Variants in TBC1D5 observed in about 807,000 individuals in gnomAD.
TBC1D5 encodes TBC1 domain family, member 5.
In TBC1D5, 75 loss-of-function variants were observed where a neutral mutation model predicts 100.3. The observed-to-expected ratio is 0.75, with a 90% CI of 0.62 to 0.91. The LOEUF (loss-of-function observed/expected upper bound fraction) is 0.91. TBC1D5 is among the 40% of genes least tolerant of loss of function. The probability of loss-of-function intolerance (pLI) is 0.00; values close to 1 mark genes in which losing one functional copy is unlikely to be tolerated. For synonymous variants in TBC1D5, 323 were observed against 325.6 expected (o/e 0.99, Z 0.09); for missense variants, 910 against 942.4 (o/e 0.97, Z 0.45).
intron 2 of TBC1D5, among the ~76,000 whole-genome samples, chr3:17,582,818 A>G (rs1459679677): frequency 2.0e-5 from 3 of 152,028 alleles, no homozygotes; most frequent in Non-Finnish European, 4.4e-5. Flanking sequence ...AAAACAAAAC[A>G]TTAAACAAAT....
chr3:17,451,500 C>T (rs141004721), intron 3 of TBC1D5, among the ~76,000 whole-genome samples: 1,679 of 152,130 alleles, frequency 0.011, 30 homozygotes, highest in African/African-American at 0.038. Context: ...AGTCAGGAAA[C>T]AACAGATGCT....
At chr3:17,485,648 C>A (rs545676870) in intron 3 of TBC1D5, among the ~76,000 whole-genome samples, 22 of 152,138 alleles carry the variant, frequency 1.4e-4, no homozygotes, top group African/African-American at 2.2e-4. Context: ...AATTTCATCC[C>A]TGTCCCTACA....
chr3:17,503,769 A>G (rs1385909441), intron 3 of TBC1D5, among the ~76,000 whole-genome samples: 1 of 149,762 alleles, frequency 6.7e-6, no homozygotes, highest in Non-Finnish European at 1.5e-5. Context: ...ATGCTCCCAA[A>G]TTATGGCCAC....
At chr3:17,655,456 TAATAATTA>T (rs1232700322) in intron 1 of TBC1D5, among the ~76,000 whole-genome samples, 6 of 109,150 alleles carry the variant, frequency 5.5e-5, no homozygotes, top group African/African-American at 1.7e-4. Flanking sequence ...TAAAGTATAA[TAATAATTA>T]AATTAAATTA....
At position 17,676,694 on chromosome 3, in the gene TBC1D5, G is replaced by A. The variant is rs182923694; in HGVS notation, c.-100-52781C>T. On this transcript the variant is annotated intron_variant, in intron 1 of 21. Coordinates refer to ENST00000253692, the Ensembl canonical transcript of TBC1D5. ...ACCAAAAAAGAGCCCGCATTGCCAA[G>A]ACAATCCTAAGCAAAAAGCACAAAG... 2.0e-3 allele frequency among the ~76,000 whole-genome samples: 302 copies of A among 152,208 alleles called. 5 individuals carry two copies. Among genetic ancestry groups the A allele is most frequent in the Non-Finnish European group, 9.6e-4 (65 of 68,018 alleles).
intron 3 of TBC1D5, among the ~76,000 whole-genome samples, chr3:17,507,067 A>G (rs1013468111): frequency 1.3e-5 from 2 of 152,208 alleles, no homozygotes; most frequent in African/African-American, 4.8e-5. Context: ...TCAAATAACC[A>G]TAGTAATCAG....
intron 2 of TBC1D5, among the ~76,000 whole-genome samples, chr3:17,615,873 G>A (rs915583213): frequency 2.0e-5 from 3 of 151,858 alleles, no homozygotes; most frequent in South Asian, 2.1e-4. Context: ...AGCATTTTTT[G>A]TGTCTCTATC....
At chr3:17,324,910 T>C (rs1370749904) in intron 13 of TBC1D5, among the ~76,000 whole-genome samples, 2 of 152,138 alleles carry the variant, frequency 1.3e-5, no homozygotes, top group African/African-American at 4.8e-5. Context: ...TGCAGATCCA[T>C]TAGAATGGCT....
chr3:17,365,437 A>G (rs2092048260), intron 13 of TBC1D5, among the ~76,000 whole-genome samples: 2 of 150,972 alleles, frequency 1.3e-5, no homozygotes, highest in African/African-American at 4.8e-5. Context: ...GTTTAAGATT[A>G]AAGTAGCAGA....
chr3:17,667,925 T>C (rs979901626), intron 1 of TBC1D5, among the ~76,000 whole-genome samples: 5 of 151,900 alleles, frequency 3.3e-5, no homozygotes, highest in African/African-American at 1.2e-4. Flanking sequence ...ATTTAATTTG[T>C]ATTTTAAGAT....
intron 13 of TBC1D5, among the ~76,000 whole-genome samples, chr3:17,327,796 A>G (rs1011721692): frequency 2.0e-4 from 30 of 152,000 alleles, no homozygotes; most frequent in African/African-American, 7.2e-4. Flanking sequence ...TAGGGCATGA[A>G]TTTTTCTGTG....
At chr3:17,521,052 G>A (rs2153315249) in intron 2 of TBC1D5, among the ~76,000 whole-genome samples, 1 of 152,276 alleles carries the variant, frequency 6.6e-6, no homozygotes, top group East Asian at 1.9e-4. Context: ...CTGAAAAAAG[G>A]AGCTACAAAG....
chr3:17,612,185 A>G (rs1384223087), intron 2 of TBC1D5, among the ~76,000 whole-genome samples: 1 of 151,362 alleles, frequency 6.6e-6, no homozygotes, highest in Non-Finnish European at 1.5e-5. Flanking sequence ...CTGTAGTCCC[A>G]GTTACTTGGA....
At chr3:17,696,474 C>A (rs1464024338) in intron 1 of TBC1D5, among the ~76,000 whole-genome samples, 3 of 152,188 alleles carry the variant, frequency 2.0e-5, no homozygotes, top group African/African-American at 7.2e-5. Flanking sequence ...ATAAACACCT[C>A]TAGGCAAATA....
intron 3 of TBC1D5, among the ~76,000 whole-genome samples, chr3:17,498,177 C>T (rs2095739052): frequency 6.6e-6 from 1 of 152,048 alleles, no homozygotes. Context: ...AATATTCCTG[C>T]CCTTGTGCTT....
At chr3:17,324,949 G>A (rs1283487958) in intron 13 of TBC1D5, among the ~76,000 whole-genome samples, 2 of 152,170 alleles carry the variant, frequency 1.3e-5, no homozygotes, top group Non-Finnish European at 2.9e-5. Flanking sequence ...CCAAATCCTA[G>A]TGGTGACCAA....
At chr3:17,301,965 T>C (rs283938) in intron 14 of TBC1D5, among the ~76,000 whole-genome samples, 64,277 of 152,024 alleles carry the variant, frequency 0.42, 14,307 homozygotes, top group Middle Eastern at 0.5. Flanking sequence ...CTGTATATAA[T>C]TTTAATCCAT....
At chr3:17,508,500 A>G (rs765117316) in exon 3 of TBC1D5, 1 of 1,613,698 alleles carries the variant, frequency 6.2e-7, no homozygotes, top group Admixed American at 1.7e-5. Context: ...GTAACTGGAC[A>G]AGGGGTCAAT....
intron 2 of TBC1D5, among the ~76,000 whole-genome samples, chr3:17,622,329 TG>T (rs2062733125): frequency 6.6e-6 from 1 of 152,146 alleles, no homozygotes; most frequent in Non-Finnish European, 1.5e-5. Context: ...ACCAGGGGAT[TG>T]GGGACCCCTG....
Sources: allele counts gnomAD v4.1 joint callset (sites outside exome capture counted in the v4.1 genomes callset), GRCh38; gene constraint gnomAD v4.1.1; transcripts MANE v1.5; gene names NCBI Gene and HGNC (gene_info 2026-07-23, HGNC 2026-07-21).